CCR5AS: variants seen among roughly 807,000 people sequenced by gnomAD.
CCR5AS encodes the protein CCR5 antisense RNA.
intron 2 of CCR5AS, among the ~76,000 whole-genome samples, chr3:46,390,219 G>A (rs1432063835): frequency 6.6e-6 from 1 of 152,120 alleles, no homozygotes; most frequent in Non-Finnish European, 1.5e-5. Flanking sequence ...GAGGCTGGGA[G>A]GAGGGATGCA....
intron 1 of CCR5AS, among the ~76,000 whole-genome samples, chr3:46,396,098 C>T (rs926565424): frequency 1.3e-5 from 2 of 152,172 alleles, no homozygotes; most frequent in African/African-American, 4.8e-5. Context: ...CCCTTTCCTG[C>T]ACAGTTACAA....
intron 2 of CCR5AS, among the ~76,000 whole-genome samples, chr3:46,380,390 A>C (rs1371146006): frequency 6.6e-6 from 1 of 152,254 alleles, no homozygotes; most frequent in East Asian, 1.9e-4. Context: ...ATAATTTAAA[A>C]AATAATTGTA....
At chr3:46,377,302 G>A (rs900232087) in intron 2 of CCR5AS, among the ~76,000 whole-genome samples, 17 of 152,116 alleles carry the variant, frequency 1.1e-4, no homozygotes, top group Non-Finnish European at 1.8e-4. Context: ...TTCAACTCAC[G>A]ACCTTCAGGA....
intron 2 of CCR5AS, chr3:46,373,630 T>C (rs755334689): frequency 2.0e-5 from 32 of 1,614,142 alleles, no homozygotes; most frequent in Non-Finnish European, 2.7e-5. Flanking sequence ...ATCATGATTG[T>C]TTATTTTCTC....
intron 1 of CCR5AS, among the ~76,000 whole-genome samples, chr3:46,397,880 G>C (rs973130446): frequency 6.6e-6 from 1 of 152,204 alleles, no homozygotes; most frequent in African/African-American, 2.4e-5. Context: ...GCTACTCAAT[G>C]GAAAGAGATC....
At chr3:46,364,575 T>C (rs1415699696) in exon 4 of CCR5AS, among the ~76,000 whole-genome samples, 10 of 152,124 alleles carry the variant, frequency 6.6e-5, no homozygotes, top group African/African-American at 2.4e-4. Context: ...CTGCAGTCCA[T>C]GGACCAAGAC....
At chr3:46,392,532 C>G (rs1276955086) in intron 2 of CCR5AS, among the ~76,000 whole-genome samples, 1 of 152,096 alleles carries the variant, frequency 6.6e-6, no homozygotes, top group African/African-American at 2.4e-5. Context: ...GGTGTCCCAG[C>G]AATTGACTTA....
intron 2 of CCR5AS, among the ~76,000 whole-genome samples, chr3:46,386,068 C>T (rs1403250862): frequency 6.6e-6 from 1 of 152,066 alleles, no homozygotes; most frequent in African/African-American, 2.4e-5. Flanking sequence ...TGCACCACCA[C>T]ACCTGGCTAA....
chr3:46,364,821 T>C (rs1012444700), exon 4 of CCR5AS: 1 of 152,208 alleles, frequency 6.6e-6, no homozygotes, highest in East Asian at 1.9e-4. Context: ...TGAAAGACAT[T>C]GATTCCAACC....
At chr3:46,399,351 A>AT (rs1701987409) in intron 1 of CCR5AS, among the ~76,000 whole-genome samples, 1 of 152,188 alleles carries the variant, frequency 6.6e-6, no homozygotes, top group Admixed American at 6.5e-5. Context: ...AGGGAGACCA[A>AT]TCTCAGTGGA....
intron 2 of CCR5AS, among the ~76,000 whole-genome samples, chr3:46,371,818 T>C (rs891625893): frequency 1.3e-5 from 2 of 152,202 alleles, no homozygotes; most frequent in South Asian, 2.1e-4. Context: ...GATTTTACAA[T>C]TGGCTGTTGT....
At chr3:46,373,549 G>A (rs371598347) in intron 2 of CCR5AS, 1 of 1,613,900 alleles carries the variant, frequency 6.2e-7, no homozygotes, top group Admixed American at 1.7e-5. Context: ...TGCTACTCGG[G>A]AATCCTAAAA....
chr3:46,379,305 A>G (rs1352078861), intron 2 of CCR5AS, among the ~76,000 whole-genome samples: 1 of 151,638 alleles, frequency 6.6e-6, no homozygotes, highest in Non-Finnish European at 1.5e-5. Flanking sequence ...GTTTACTGAG[A>G]ATGATGGTTT....
intron 2 of CCR5AS, chr3:46,372,891 G>A (rs1701682307): frequency 6.4e-7 from 1 of 1,558,908 alleles, no homozygotes; most frequent in Non-Finnish European, 8.7e-7. Context: ...TTTATGCACA[G>A]GGTGGAACAA....
chr3:46,388,345 G>A (rs575263178), intron 2 of CCR5AS, among the ~76,000 whole-genome samples: 3 of 152,238 alleles, frequency 2.0e-5, no homozygotes, highest in African/African-American at 7.2e-5. Context: ...GTTAGAAAGA[G>A]CAATTCTCAT....
rs562696194 is a variant in CCR5AS, at chr3:46,379,698, C to T, written n.392-8281G>A. Among the ~76,000 whole-genome samples, 230 of 152,076 alleles carry T rather than the reference C, an allele frequency of 1.5e-3. 1 individual carries two copies. The highest frequency in any genetic ancestry group is 3.4e-3 in the Middle Eastern group (1 of 294). On this transcript the variant is annotated intron_variant and non_coding_transcript_variant, in intron 2 of 3. Transcript: ENST00000451485. ...TCACTTAAGGTCAGGAGTTCAAGAC[C>T]GGCCTGGCCAATATAGTGAAACCCC...
At chr3:46,375,568 G>A (rs1701743697) in intron 2 of CCR5AS, 1 of 166,662 alleles carries the variant, frequency 6.0e-6, no homozygotes, top group African/African-American at 2.4e-5. Context: ...TAGGCAAAGG[G>A]GGGAAGGGAC....
intron 2 of CCR5AS, among the ~76,000 whole-genome samples, chr3:46,384,012 G>A (rs969473886): frequency 3.3e-5 from 5 of 152,316 alleles, no homozygotes; most frequent in Admixed American, 6.5e-5. Flanking sequence ...TCACGCCAAG[G>A]GAATCAAGGA....
At chr3:46,384,851 T>G (rs1465416872) in intron 2 of CCR5AS, among the ~76,000 whole-genome samples, 2 of 146,282 alleles carry the variant, frequency 1.4e-5, no homozygotes, top group African/African-American at 5.1e-5. Context: ...ATAGGGTACA[T>G]AGATGATAGA....
Sources: allele counts gnomAD v4.1 joint callset (sites outside exome capture counted in the v4.1 genomes callset), GRCh38; gene constraint gnomAD v4.1.1; transcripts MANE v1.5; gene names NCBI Gene and HGNC (gene_info 2026-07-23, HGNC 2026-07-21).